The following CD109 variants were observed in gnomAD, a reference collection of about 807,000 sequenced individuals.
CD109 encodes the protein CD109 molecule.
A neutral mutation model predicts 165.8 loss-of-function variants in CD109; 149 were observed. The ratio of observed to expected loss-of-function variants is 0.90; its 90% confidence interval spans 0.79 to 1.03. The LOEUF (loss-of-function observed/expected upper bound fraction) is 1.03. Among genes scored for constraint, CD109 ranks in the 50% least tolerant of loss-of-function variants. The pLI is 0.00. For missense variants in CD109, 1,712 were observed against 1,677.8 expected (o/e 1.02, Z -0.36); for synonymous variants, 585 against 592.1 (o/e 0.99, Z 0.18).
At chr6:73,696,360 C>T in intron 1 of CD109, 71 bp downstream of exon 1, 1 of 1,260,950 alleles carries the variant, frequency 7.9e-7, no homozygotes, top group Non-Finnish European at 1.0e-6. Context: ...TGGGCCAGGG[C>T]TTCGGGGAGG....
chr6:73,731,715 C>G (rs1437485525), intron 4 of CD109, among the ~76,000 whole-genome samples: 1 of 152,212 alleles, frequency 6.6e-6, no homozygotes, highest in Non-Finnish European at 1.5e-5. Flanking sequence ...ATGCTAGATG[C>G]TAGCTGTGTG....
intron 23 of CD109, 135 bp downstream of exon 23, chr6:73,792,937 G>A: frequency 1.6e-6 from 1 of 624,814 alleles, no homozygotes; most frequent in African/African-American, 1.8e-5. Context: ...GTTGACATGT[G>A]CAGGAAGTGC....
At chr6:73,695,879 G>A (rs1258602338), upstream of CD109, 2 of 355,804 alleles carry the variant, frequency 5.6e-6, no homozygotes, top group Admixed American at 4.7e-5. Flanking sequence ...TGAGGAACCC[G>A]GTGGGCCGGG....
intron 5 of CD109, among the ~76,000 whole-genome samples, chr6:73,746,829 A>G (rs112358964): frequency 6.9e-3 from 1,049 of 152,276 alleles, no homozygotes; most frequent in Non-Finnish European, 0.012. Flanking sequence ...TCAGTTCTTC[A>G]GGTGTTTAGT....
intron 3 of CD109, among the ~76,000 whole-genome samples, chr6:73,729,030 T>C (rs1772245161): frequency 6.6e-6 from 1 of 152,190 alleles, no homozygotes. Context: ...GCTAACACAT[T>C]CTGTGAGGCA....
In CD109 at chr6:73,810,003, GTCA is replaced by G; in HGVS notation, c.3379_3381del (p.Ser1127del). ...TTGCAGGTGGCATGCAATTCTGGGT[GTCA>G]TCAGAGTCCAAACTTTCTGACTCCT... On this transcript the variant is annotated inframe_deletion, in exon 27 of 33. Transcript: ENST00000287097. 1 of 1,590,780 alleles carries G rather than the reference GTCA, an allele frequency of 6.3e-7. No individual in the cohort carries two copies. Among genetic ancestry groups the G allele is most frequent in the Non-Finnish European group, 8.5e-7 (1 of 1,171,718 alleles).
chr6:73,800,013 T>C (rs1208782851), intron 23 of CD109, among the ~76,000 whole-genome samples: 2 of 151,842 alleles, frequency 1.3e-5, no homozygotes, highest in Admixed American at 1.3e-4. Context: ...CATGCCACCA[T>C]GCTAATTTTT....
In CD109 at chr6:73,785,455, A is replaced by C. The variant is rs200872446; in HGVS notation, c.2315A>C (p.Asn772Thr). 1 of 1,579,344 alleles carries C rather than the reference A, an allele frequency of 6.3e-7. No individual in the cohort carries two copies. The highest frequency in any genetic ancestry group is 2.2e-5 in the East Asian group (1 of 44,634). Residue 772 changes from asparagine to threonine, a missense_variant, in exon 20 of 33, where the codon AAT becomes ACT. Asn to Thr is a moderately conservative substitution (Grantham distance 65, BLOSUM62 0). Coordinates refer to ENST00000287097, the MANE Select transcript of CD109 (RefSeq NM_133493.5). Reference protein sequence around the residue: ...EEFALEITIFNYLKDATEVKV... With the variant: ...EEFALEITIFTYLKDATEVKV... ...TTTGCTTTGGAAATAACTATATTCAATTATTTGAAAGATGCCACTGAGGTA... is the reference window on the plus strand; with the variant it reads ...TTTGCTTTGGAAATAACTATATTCACTTATTTGAAAGATGCCACTGAGGTA...
At chr6:73,754,539 T>C (rs1014543474) in intron 5 of CD109, among the ~76,000 whole-genome samples, 3 of 152,220 alleles carry the variant, frequency 2.0e-5, no homozygotes, top group Non-Finnish European at 4.4e-5. Context: ...AAACTACTTA[T>C]GTGTTAAACA....
At chr6:73,733,243 G>A (rs949789348) in intron 4 of CD109, among the ~76,000 whole-genome samples, 6 of 152,328 alleles carry the variant, frequency 3.9e-5, no homozygotes, top group Non-Finnish European at 7.4e-5. Context: ...GACTGAGACA[G>A]TTGTACTCCT....
At chr6:73,767,574 A>T (rs2150231046) in intron 13 of CD109, among the ~76,000 whole-genome samples, 1 of 152,306 alleles carries the variant, frequency 6.6e-6, no homozygotes, top group East Asian at 1.9e-4. Context: ...TTAACATTGC[A>T]ATCAAATAAA....
In CD109 at chr6:73,789,756, G is replaced by A. The variant is rs1203173456; in HGVS notation, c.2701+1144G>A. On this transcript the variant is annotated intron_variant, in intron 22 of 32. Transcript: ENST00000287097. ...ATTACAGGCGTGAGCCACCGCGCCC[G>A]GCCTTTTTTTTTTTTTTTTCCTTTG... 3.7e-5 allele frequency among the ~76,000 whole-genome samples: 5 copies of A among 134,386 alleles called. No homozygotes were observed. The South Asian group carries it at 9.3e-4, about 25-fold the overall frequency. 88.2% of individuals were successfully genotyped at this position (134,386 alleles called of 152,430 possible).
At position 73,762,907 on chromosome 6, in the gene CD109, A is replaced by G. The variant is rs199791522; in HGVS notation, c.997+25A>G. ...GGTTTGTAGACTTTAAAGTGGAGGT[A>G]AAACTATTCATGTGACACTGCTTTA... On this transcript the variant is annotated intron_variant, in intron 9 of 32. Transcript: ENST00000287097. 231 of 1,581,150 alleles carry G rather than the reference A, an allele frequency of 1.5e-4. No individual in the cohort carries two copies. In the Middle Eastern group the frequency reaches 1.5e-3, roughly 10 times the overall value.
Position 73,789,502 on chromosome 6 carries a change from G to A in CD109, c.2701+890G>A, listed in dbSNP as rs576958218. 2.4e-4 allele frequency among the ~76,000 whole-genome samples: 36 copies of A among 151,528 alleles called. No homozygotes were observed. The South Asian group carries it at 3.1e-3, about 13-fold the overall frequency. On this transcript the variant is annotated intron_variant, in intron 22 of 32. Coordinates refer to ENST00000287097, the MANE Select transcript of CD109 (RefSeq NM_133493.5). Reference sequence around the variant, plus strand: ...GGAGTCTCGCTCTGTCGCCCAGGCTGGAGTGCAGTGGCGCGAACTTGGCTC... The same window carrying A: ...GGAGTCTCGCTCTGTCGCCCAGGCTAGAGTGCAGTGGCGCGAACTTGGCTC...
intron 2 of CD109, among the ~76,000 whole-genome samples, chr6:73,720,378 G>C (rs1040020705): frequency 6.6e-6 from 1 of 152,128 alleles, no homozygotes; most frequent in South Asian, 2.1e-4. Context: ...GGGAGATGTT[G>C]GTCAATAGAC....
chr6:73,789,454 TGAG>T, intron 22 of CD109, among the ~76,000 whole-genome samples: 1 of 136,452 alleles, frequency 7.3e-6, no homozygotes, highest in Non-Finnish European at 1.6e-5. Context: ...ATTTGCTGTC[TGAG>T]CATTTTTTTT....
rs869120436 is a variant in CD109 at position 73,791,124 on chromosome 6, TATACATAC to T, written c.2702-1494_2702-1487del. 6.8e-5 allele frequency among the ~76,000 whole-genome samples: 5 copies of T among 73,928 alleles called. No individual in the cohort carries two copies. The East Asian group carries it at 2.5e-3, about 37-fold the overall frequency. The allele number at this position is 73,928 out of a possible 152,430, so 48.5% of individuals were successfully genotyped here. On this transcript the variant is annotated intron_variant, in intron 22 of 32. Transcript: ENST00000287097. Reference sequence around the variant, plus strand: ...AGAGGACTTTATTTGGAGGCATATATATACATACATACATATATATATATATATATATA... The same window carrying T: ...AGAGGACTTTATTTGGAGGCATATATATACATATATATATATATATATATA...
intron 15 of CD109, among the ~76,000 whole-genome samples, chr6:73,776,308 G>A (rs922828978): frequency 2.0e-5 from 3 of 151,806 alleles, no homozygotes; most frequent in East Asian, 1.9e-4. Context: ...GCTGGAGTGC[G>A]GTGGTGTGAT....
rs1774735999 is a variant in CD109 at position 73,787,354 on chromosome 6, T to C, written c.2458T>C (p.Phe820Leu). Residue 820 changes from phenylalanine (F) to leucine (L), a missense_variant, in exon 21 of 33, where the codon TTT (phenylalanine) becomes CTT (leucine). Physicochemically the swap from Phe to Leu is conservative, Grantham distance 22 (BLOSUM62 0). Transcript: ENST00000287097. The stretch of plus-strand genomic sequence containing the variant: ...CAGTGAGGATGGGGCAACTGTTCTT[T>C]TTCCCATCAGGCCAACACATCTGGG... Reference protein sequence around the residue: ...VPSEDGATVLFPIRPTHLGEI... With the variant: ...VPSEDGATVLLPIRPTHLGEI... 6.2e-7 allele frequency: 1 copy of C among 1,614,044 alleles called. No individual in the cohort carries two copies. Among genetic ancestry groups the C allele is most frequent in the Admixed American group, 1.7e-5 (1 of 59,992 alleles).
Sources: gnomAD v4.1 joint callset for allele counts (sites outside exome capture counted in the v4.1 genomes callset) on GRCh38, gnomAD v4.1.1 for gene constraint, MANE v1.5 for transcripts, NCBI Gene and HGNC (gene_info 2026-07-23, HGNC 2026-07-21) for gene names.